The following GUCY2C variants were observed in gnomAD, a reference collection of about 807,000 sequenced individuals.
GUCY2C encodes the protein guanylyl cyclase C.
In GUCY2C, 118 loss-of-function variants were observed where a neutral mutation model predicts 131.1. That is an observed-to-expected ratio of 0.90 (90% CI 0.78 to 1.05). The LOEUF is 1.05. Among genes scored for constraint, GUCY2C ranks in the 50% least tolerant of loss-of-function variants. The pLI is 0.00. For synonymous variants in GUCY2C, 452 were observed against 457.8 expected (o/e 0.99, Z 0.16); for missense variants, 1,161 against 1,304.4 (o/e 0.89, Z 1.69).
chr12:14,675,107 A>T (rs929118487), intron 7 of GUCY2C, among the ~76,000 whole-genome samples: 4 of 147,398 alleles, frequency 2.7e-5, no homozygotes, highest in Non-Finnish European at 4.5e-5. Context: ...GCTACTCAGG[A>T]GGCTGAGGCA....
rs140604555 is a variant in GUCY2C, at chr12:14,643,779, G to C, written c.1798-73C>G. 1.8e-3 allele frequency: 2,487 copies of C among 1,405,756 alleles called. 30 individuals carry two copies. Among genetic ancestry groups the C allele is most frequent in the South Asian group, 0.017 (1,375 of 82,998 alleles). 87.1% of individuals were successfully genotyped at this position (1,405,756 alleles called of 1,614,324 possible). ...CTGCTTGATTATTTTAAAGAAAAAA[G>C]TGACATTTGGAAACCATTTCAGCAG... is the stretch of plus-strand genomic sequence containing the variant. On this transcript the variant is annotated intron_variant, in intron 16 of 26. Coordinates refer to ENST00000261170, the MANE Select transcript of GUCY2C (RefSeq NM_004963.4).
chr12:14,641,758 G>T (rs533719687), intron 17 of GUCY2C, among the ~76,000 whole-genome samples: 45 of 152,178 alleles, frequency 3.0e-4, no homozygotes, highest in Middle Eastern at 6.8e-3. Flanking sequence ...CCAATATGGT[G>T]AAACCCTGTC....
intron 11 of GUCY2C, among the ~76,000 whole-genome samples, chr12:14,660,051 C>G (rs1947836152): frequency 6.6e-6 from 1 of 152,224 alleles, no homozygotes. Context: ...AACACAGTTA[C>G]AGGAGCCAAG....
At chr12:14,683,353 A>C in intron 3 of GUCY2C, 96 bp from the exon 4 acceptor site, 1 of 726,750 alleles carries the variant, frequency 1.4e-6, no homozygotes, top group South Asian at 1.7e-5. Context: ...TGTATGTATA[A>C]ATGGTAAGAA....
At chr12:14,663,775 C>T (rs1482503978) in intron 10 of GUCY2C, among the ~76,000 whole-genome samples, 1 of 152,040 alleles carries the variant, frequency 6.6e-6, no homozygotes, top group African/African-American at 2.4e-5. Context: ...CCTTTGGCAC[C>T]CAGCACAAGA....
chr12:14,663,610 T>C (rs1354429959), intron 10 of GUCY2C, among the ~76,000 whole-genome samples: 4 of 152,222 alleles, frequency 2.6e-5, no homozygotes, highest in African/African-American at 9.6e-5. Flanking sequence ...TGCTAAAATA[T>C]AATTGATGTA....
chr12:14,642,157 C>A (rs1172076570), intron 17 of GUCY2C, among the ~76,000 whole-genome samples: 1 of 152,120 alleles, frequency 6.6e-6, no homozygotes, highest in Non-Finnish European at 1.5e-5. Context: ...CTGGTTCCCA[C>A]AGTATTCTTA....
At chr12:14,627,587 A>C (rs7139114) in intron 20 of GUCY2C, among the ~76,000 whole-genome samples, 126,502 of 152,126 alleles carry the variant, frequency 0.83, 57,043 homozygotes, top group East Asian at 0.99. Flanking sequence ...GACCAATTAC[A>C]TCAGCCTCTC....
In GUCY2C at chr12:14,651,986, A is replaced by G; in HGVS notation, c.1578T>C (p.Thr526=). The change falls in exon 14 of 27, where the codon ACT becomes ACC. Residue 526 remains threonine (T), a synonymous_variant. Coordinates refer to ENST00000261170, the MANE Select transcript of GUCY2C (RefSeq NM_004963.4). The part of the protein sequence containing the change: ...KDLKHNDGNF[T]EKQKIELNKL... ...TGTTCAATTCTATCTTCTGTTTTTC[A>G]GTGAAATTACCATCATTGTGCTTGA... 4 of 1,599,834 alleles carry G rather than the reference A, an allele frequency of 2.5e-6. No homozygotes were observed. The highest frequency in any genetic ancestry group is 3.4e-6 in the Non-Finnish European group (4 of 1,167,576).
intron 9 of GUCY2C, among the ~76,000 whole-genome samples, chr12:14,670,625 G>A (rs560224189): frequency 2.0e-4 from 30 of 151,810 alleles, no homozygotes; most frequent in African/African-American, 6.5e-4. Context: ...TCATGGGACC[G>A]GTCTTTCCCC....
Position 14,696,535 on chromosome 12 carries a change from A to G in GUCY2C, c.-87T>C, listed in dbSNP as rs2137120894. ...AGGGAGGCAGGGAATCCAGATGGAC[A>G]GCCTCTAGTGGAGTCCCTCAGCCCA... On this transcript the variant is annotated 5_prime_UTR_variant, in exon 1 of 27. Transcript: ENST00000261170. The G allele has an allele frequency of 2.1e-6, 2 of 971,352 alleles. No homozygotes were observed. Among genetic ancestry groups the G allele is most frequent in the South Asian group, 1.4e-5 (1 of 71,170 alleles). The allele number at this position is 971,352 out of a possible 1,614,324, so 60.2% of individuals were successfully genotyped here.
At chr12:14,639,395 C>T (rs182907956) in intron 19 of GUCY2C, among the ~76,000 whole-genome samples, 15 of 151,676 alleles carry the variant, frequency 9.9e-5, no homozygotes, top group African/African-American at 2.7e-4. Flanking sequence ...ACGGAGAATG[C>T]GGTAGGCTGA....
intron 1 of GUCY2C, among the ~76,000 whole-genome samples, chr12:14,692,586 G>A (rs142324664): frequency 0.013 from 2,050 of 152,252 alleles, 55 homozygotes; most frequent in African/African-American, 0.045. Context: ...GGTGGCTCAC[G>A]CCTATAATCC....
intron 19 of GUCY2C, among the ~76,000 whole-genome samples, chr12:14,633,978 T>C (rs1947207698): frequency 6.6e-6 from 1 of 152,090 alleles, no homozygotes; most frequent in African/African-American, 2.4e-5. Context: ...ACAAAAGGAA[T>C]ACAAAACCCA....
At chr12:14,668,632 C>CT (rs11309188) in intron 10 of GUCY2C, among the ~76,000 whole-genome samples, 13 of 145,778 alleles carry the variant, frequency 8.9e-5, no homozygotes, top group African/African-American at 2.8e-4. Context: ...GGTATTTCTA[C>CT]TTTTTTTTTT....
chr12:14,656,863 T>C (rs1947772688), intron 11 of GUCY2C, among the ~76,000 whole-genome samples: 3 of 152,240 alleles, frequency 2.0e-5, no homozygotes, highest in African/African-American at 7.2e-5. Flanking sequence ...ACTGGTTTCC[T>C]GGAAGACAAT....
intron 11 of GUCY2C, among the ~76,000 whole-genome samples, chr12:14,657,472 C>T (rs1243541336): frequency 6.6e-6 from 1 of 151,608 alleles, no homozygotes; most frequent in Non-Finnish European, 1.5e-5. Context: ...GTATCGGTCC[C>T]CAGATAGTGT....
chr12:14,636,348 A>G (rs536742236), intron 19 of GUCY2C, among the ~76,000 whole-genome samples: 100 of 152,368 alleles, frequency 6.6e-4, no homozygotes, highest in Middle Eastern at 3.4e-3. Context: ...AGAATGAAGA[A>G]CAAAAGCCAT....
At chr12:14,625,983 T>A in intron 20 of GUCY2C, 68 bp from the exon 21 acceptor site, 1 of 882,814 alleles carries the variant, frequency 1.1e-6, no homozygotes, top group Non-Finnish European at 1.8e-6. Flanking sequence ...AATAAAACAA[T>A]GGACAAATAT....
Sources: gnomAD v4.1 joint callset for allele counts (sites outside exome capture counted in the v4.1 genomes callset) on GRCh38, gnomAD v4.1.1 for gene constraint, MANE v1.5 for transcripts, NCBI Gene and HGNC (gene_info 2026-07-23, HGNC 2026-07-21) for gene names.